The following ISM1 variants were observed in gnomAD, a reference collection of about 807,000 sequenced individuals.
The protein encoded by ISM1 is isthmin 1.
Under a neutral mutation model 46.3 loss-of-function variants are expected in ISM1, and 25 were observed. That is an observed-to-expected ratio of 0.54 (90% CI 0.39 to 0.75). The LOEUF (loss-of-function observed/expected upper bound fraction) is 0.75. Ranked by LOEUF, ISM1 falls within the 30% of genes least tolerant of loss-of-function variation. The probability of loss-of-function intolerance (pLI) is 0.00; values close to 1 mark genes in which losing one functional copy is unlikely to be tolerated. For synonymous variants in ISM1, 255 were observed against 256.7 expected, an observed-to-expected ratio of 0.99 and a Z score of 0.06; for missense variants, 536 against 625.4, an observed-to-expected ratio of 0.86 and a Z score of 1.52.
At chr20:13,233,047 C>T (rs557894209) in intron 1 of ISM1, among the ~76,000 whole-genome samples, 143 of 151,974 alleles carry the variant, frequency 9.4e-4, no homozygotes, top group Admixed American at 2.0e-3. Flanking sequence ...GAAAACAGGC[C>T]GGAAAAGTGT....
intron 1 of ISM1, among the ~76,000 whole-genome samples, chr20:13,247,517 G>GGTGTGTGTGTGTGTCT (rs55680207): frequency 1.3e-3 from 183 of 139,908 alleles, no homozygotes; most frequent in Non-Finnish European, 1.9e-3. Context: ...CAAAGTGAGG[G>GGTGTGTGTGTGTGTCT]GTGTGTGTGT....
chr20:13,307,524 T>C, the ISM1 span, among the ~76,000 whole-genome samples: 1 of 152,198 alleles, frequency 6.6e-6, no homozygotes, highest in Admixed American at 6.5e-5. Context: ...AATTTCTTTG[T>C]ATGTAAATTT....
At chr20:13,311,000 C>T in the ISM1 span, among the ~76,000 whole-genome samples, 1 of 152,170 alleles carries the variant, frequency 6.6e-6, no homozygotes, top group African/African-American at 2.4e-5. Flanking sequence ...TTGAGACCAA[C>T]CTGGCCATCA....
At chr20:13,289,390 A>G (rs1423929252) in intron 4 of ISM1, among the ~76,000 whole-genome samples, 4 of 152,242 alleles carry the variant, frequency 2.6e-5, no homozygotes, top group African/African-American at 9.6e-5. Context: ...AAAGGCTCCC[A>G]GGAGCGCAAC....
chr20:13,279,154 G>A lies in ISM1; in HGVS notation c.379-480G>A, dbSNP rs567844897. Among the ~76,000 whole-genome samples, 8 of 152,286 alleles carry A rather than the reference G, an allele frequency of 5.3e-5. No individual in the cohort carries two copies. In the South Asian group the frequency reaches 1.7e-3, roughly 32 times the overall value. ...ACAAGAGTTAAATAATACAGGTGGAGCATTTAGGATAGTGCCTGGTACAGA... is the reference window on the plus strand; with the variant it reads ...ACAAGAGTTAAATAATACAGGTGGAACATTTAGGATAGTGCCTGGTACAGA... On this transcript the variant is annotated intron_variant, in intron 2 of 5. Transcript: ENST00000262487.
At chr20:13,316,398 T>TCA in the ISM1 span, among the ~76,000 whole-genome samples, 1 of 151,980 alleles carries the variant, frequency 6.6e-6, no homozygotes, top group Non-Finnish European at 1.5e-5. Flanking sequence ...CTACAATATC[T>TCA]TTCAGAAAAT....
At chr20:13,270,832 C>T in intron 2 of ISM1, 89 bp downstream of exon 2, 1 of 1,260,528 alleles carries the variant, frequency 7.9e-7, no homozygotes, top group Non-Finnish European at 1.1e-6. Flanking sequence ...TGCCTTACCT[C>T]ACTTTTCTTC....
At chr20:13,269,258 T>C (rs2040083503) in intron 1 of ISM1, among the ~76,000 whole-genome samples, 1 of 152,164 alleles carries the variant, frequency 6.6e-6, no homozygotes, top group Non-Finnish European at 1.5e-5. Context: ...CCCTGAAGGC[T>C]GGAGTAAATC....
In ISM1 at chr20:13,299,029, G is replaced by A; in HGVS notation, c.965G>A (p.Cys322Tyr). ...AAGGTGATGAATGACCTGCCCAGCT[G>A]CCCCTGCTCCTACCCCACTGAGGTG... is the stretch of plus-strand genomic sequence containing the variant. ...MHKVMNDLPS[C>Y]PCSYPTEVAY... Residue 322 changes from cysteine to tyrosine, a missense_variant, in exon 6 of 6, where the codon TGC (cysteine) becomes TAC (tyrosine). This residue lies in a region of ISM1 where 169 missense variants were observed against 249.3 expected (regional missense o/e 0.68). Coordinates refer to ENST00000262487, the MANE Select transcript of ISM1 (RefSeq NM_080826.2). This position sits in a 1 kb window ranked among gnomAD's most constrained non-coding sequence, Gnocchi z 5.8. 1 of 1,613,722 alleles carries A rather than the reference G, an allele frequency of 6.2e-7. No homozygotes were observed. The highest frequency in any genetic ancestry group is 1.3e-5 in the African/African-American group (1 of 75,034).
intron 1 of ISM1, 105 bp from the exon 2 acceptor site, chr20:13,270,399 C>A: frequency 7.7e-7 from 1 of 1,294,918 alleles, no homozygotes; most frequent in Non-Finnish European, 1.1e-6. Flanking sequence ...GGCTTAATTT[C>A]AGCCACTGGA....
the ISM1 span, among the ~76,000 whole-genome samples, chr20:13,306,486 A>C: frequency 7.6e-6 from 1 of 130,982 alleles, no homozygotes; most frequent in South Asian, 2.5e-4. Flanking sequence ...TCTCTACCAG[A>C]TTTTGGTGGT....
At chr20:13,289,797 G>A (rs557826174) in intron 4 of ISM1, among the ~76,000 whole-genome samples, 1 of 152,244 alleles carries the variant, frequency 6.6e-6, no homozygotes, top group East Asian at 1.9e-4. Flanking sequence ...TAGTCTTACT[G>A]TGTATTTCCC....
chr20:13,221,988 C>T, intron 1 of ISM1, 74 bp downstream of exon 1: 3 of 1,238,334 alleles, frequency 2.4e-6, no homozygotes, highest in Non-Finnish European at 3.1e-6. Flanking sequence ...GAGCTAGTGC[C>T]GGGTGGATGC....
intron 2 of ISM1, among the ~76,000 whole-genome samples, chr20:13,273,261 GTCTT>G (rs1170940245): frequency 1.8e-4 from 6 of 33,920 alleles, no homozygotes; most frequent in Non-Finnish European, 2.9e-4. Context: ...TTTTGACAAG[GTCTT>G]TCTTTGTCAC....
intron 3 of ISM1, among the ~76,000 whole-genome samples, chr20:13,280,546 C>T (rs2040228612): frequency 6.6e-6 from 1 of 152,160 alleles, no homozygotes; most frequent in African/African-American, 2.4e-5. Flanking sequence ...AACTCAGCTC[C>T]ACTCAGTCAT....
At position 13,221,376 on chromosome 20, in the gene ISM1, C is replaced by T. The variant is rs1449471409; in HGVS notation, c.-401C>T. Among the ~76,000 whole-genome samples the T allele has an allele frequency of 2.7e-5, 4 of 148,026 alleles. No individual in the cohort carries two copies. Among genetic ancestry groups the T allele is most frequent in the African/African-American group, 9.8e-5 (4 of 40,872 alleles). ...TGTGCGCTCGGGGGCTCGGCTGCGC[C>T]CGCCCCGCCGCCGACCCCGCAGCCC... On this transcript the variant is annotated 5_prime_UTR_variant, in exon 1 of 6. Coordinates refer to ENST00000262487, the MANE Select transcript of ISM1 (RefSeq NM_080826.2).
chr20:13,302,358 T>C (rs1031757501), downstream of ISM1, among the ~76,000 whole-genome samples: 4 of 152,170 alleles, frequency 2.6e-5, no homozygotes, highest in African/African-American at 9.7e-5. Flanking sequence ...CTCTGGAAAT[T>C]TGCTGAACTA....
intron 1 of ISM1, 110 bp downstream of exon 1, chr20:13,222,024 T>A: frequency 9.7e-7 from 1 of 1,033,014 alleles, no homozygotes; most frequent in Non-Finnish European, 1.3e-6. Context: ...CTGCCCCACC[T>A]AAGAGCAACT....
At chr20:13,253,799 A>G (rs73261074) in intron 1 of ISM1, among the ~76,000 whole-genome samples, 16,188 of 152,094 alleles carry the variant, frequency 0.11, 1,009 homozygotes, top group African/African-American at 0.16. Context: ...ACAATGGGCT[A>G]GTTCAGATAT....
Sources: gnomAD v4.1 joint callset for allele counts (sites outside exome capture counted in the v4.1 genomes callset) on GRCh38, gnomAD v4.1.1 for gene constraint, gnomAD v4.1.1 regional missense constraint, Gnocchi (gnomAD v3.1) non-coding constraint, MANE v1.5 for transcripts, NCBI Gene and HGNC (gene_info 2026-07-23, HGNC 2026-07-21) for gene names.